CTNND2: variants seen among roughly 807,000 people sequenced by gnomAD.
CTNND2 encodes the protein catenin delta 2.
A neutral mutation model predicts 144.4 loss-of-function variants in CTNND2; 22 were observed. The ratio of observed to expected loss-of-function variants is 0.15; its 90% confidence interval spans 0.11 to 0.22. The LOEUF (loss-of-function observed/expected upper bound fraction) is 0.22. CTNND2 is among the 10% of genes least tolerant of loss of function. CTNND2 has a pLI of 1.00. For missense variants in CTNND2, 1,353 were observed against 1,618.8 expected, an observed-to-expected ratio of 0.84 and a Z score of 2.82; for synonymous variants, 751 against 695.6, an observed-to-expected ratio of 1.08 and a Z score of -1.25.
chr5:11,894,392 C>G (rs544629277), intron 1 of CTNND2, among the ~76,000 whole-genome samples: 1 of 152,288 alleles, frequency 6.6e-6, no homozygotes, highest in Non-Finnish European at 1.5e-5. Flanking sequence ...AGAATTACTT[C>G]TACGGATGGA....
chr5:11,774,739 T>A (rs1790156808), intron 1 of CTNND2, among the ~76,000 whole-genome samples: 1 of 152,128 alleles, frequency 6.6e-6, no homozygotes, highest in African/African-American at 2.4e-5. Context: ...TACCCCATGA[T>A]ACCATTTTAT....
intron 3 of CTNND2, among the ~76,000 whole-genome samples, chr5:11,430,708 C>T (rs1763218761): frequency 6.6e-6 from 1 of 152,218 alleles, no homozygotes; most frequent in African/African-American, 2.4e-5. Flanking sequence ...TACACATTCA[C>T]ATCACCACCA....
At chr5:11,752,936 G>A (rs1199481801) in intron 1 of CTNND2, among the ~76,000 whole-genome samples, 1 of 151,632 alleles carries the variant, frequency 6.6e-6, no homozygotes, top group African/African-American at 2.4e-5. Context: ...CACTATTTGT[G>A]GCTATTGTGA....
At chr5:11,295,404 T>C (rs996028756) in intron 9 of CTNND2, among the ~76,000 whole-genome samples, 6 of 152,138 alleles carry the variant, frequency 3.9e-5, no homozygotes, top group African/African-American at 1.4e-4. Flanking sequence ...ATGGCCATAC[T>C]GCCCAAGGTA....
At chr5:11,115,677 A>G (rs1753470582) in intron 13 of CTNND2, among the ~76,000 whole-genome samples, 2 of 152,236 alleles carry the variant, frequency 1.3e-5, no homozygotes, top group Admixed American at 1.3e-4. Context: ...CATTATGTTC[A>G]TCTTTGAAAC....
chr5:11,593,040 T>C (rs769014977), intron 2 of CTNND2, among the ~76,000 whole-genome samples: 4 of 151,676 alleles, frequency 2.6e-5, no homozygotes, highest in Non-Finnish European at 2.9e-5. Context: ...AAATGCAACG[T>C]GACCCCAGTT....
intron 2 of CTNND2, among the ~76,000 whole-genome samples, chr5:11,690,684 C>G (rs911447117): frequency 1.2e-4 from 16 of 133,466 alleles, no homozygotes; most frequent in Non-Finnish European, 4.6e-5. Flanking sequence ...TGCAGTGAGC[C>G]GAGATTGCGC....
chr5:11,415,166 G>A (rs528900295), intron 3 of CTNND2, among the ~76,000 whole-genome samples: 43 of 152,270 alleles, frequency 2.8e-4, no homozygotes, highest in African/African-American at 9.9e-4. Context: ...TCATCATACC[G>A]CTTTCTACAA....
At chr5:11,691,035 C>T (rs1784884676) in intron 2 of CTNND2, among the ~76,000 whole-genome samples, 1 of 152,052 alleles carries the variant, frequency 6.6e-6, no homozygotes, top group Admixed American at 6.5e-5. Flanking sequence ...CAGTGAGGCT[C>T]CCCAAGATAA....
chr5:11,303,824 C>G (rs1486451863), intron 9 of CTNND2, among the ~76,000 whole-genome samples: 1 of 152,110 alleles, frequency 6.6e-6, no homozygotes, highest in Non-Finnish European at 1.5e-5. Context: ...GTGTCCCCAC[C>G]CAAATCTCAT....
At chr5:11,443,273 G>T (rs1764468277) in intron 3 of CTNND2, among the ~76,000 whole-genome samples, 2 of 112,180 alleles carry the variant, frequency 1.8e-5, no homozygotes, top group Non-Finnish European at 3.5e-5. Flanking sequence ...TGTGTGTGTG[G>T]TATGTGTGCA....
intron 1 of CTNND2, among the ~76,000 whole-genome samples, chr5:11,753,180 T>A (rs1419152257): frequency 1.3e-5 from 2 of 151,870 alleles, no homozygotes; most frequent in Non-Finnish European, 2.9e-5. Flanking sequence ...TTCTCCTTCC[T>A]GATTGCTCTG....
chr5:11,544,190 T>C (rs1775011901), intron 3 of CTNND2, among the ~76,000 whole-genome samples: 1 of 152,116 alleles, frequency 6.6e-6, no homozygotes. Context: ...TTCTTTTTTT[T>C]TTGAGACGGA....
At chr5:11,616,938 G>A (rs1372019555) in intron 2 of CTNND2, among the ~76,000 whole-genome samples, 4 of 152,020 alleles carry the variant, frequency 2.6e-5, no homozygotes, top group African/African-American at 9.7e-5. Flanking sequence ...CAATCTCTTT[G>A]TTCAGTTTTG....
chr5:11,709,377 T>G (rs1338955374), intron 2 of CTNND2, among the ~76,000 whole-genome samples: 2 of 152,232 alleles, frequency 1.3e-5, no homozygotes, highest in African/African-American at 4.8e-5. Context: ...AATGATCTCT[T>G]ATTCAATGAC....
chr5:11,686,086 G>GA (rs1242348451), intron 2 of CTNND2, among the ~76,000 whole-genome samples: 2 of 151,974 alleles, frequency 1.3e-5, no homozygotes, highest in African/African-American at 2.4e-5. Flanking sequence ...TGTGCCTGTA[G>GA]TCCCAGATAC....
intron 16 of CTNND2, among the ~76,000 whole-genome samples, chr5:11,067,700 C>A (rs1747763639): frequency 6.6e-6 from 1 of 152,204 alleles, no homozygotes; most frequent in South Asian, 2.1e-4. Context: ...GGAGCCTTCC[C>A]AGACCCCTCT....
chr5:11,430,422 TAA>T (rs5865939), intron 3 of CTNND2, among the ~76,000 whole-genome samples: 2,370 of 126,996 alleles, frequency 0.019, 73 homozygotes, highest in African/African-American at 0.068. Flanking sequence ...ATGACTTGAT[TAA>T]AAAAAAAAAA....
intron 3 of CTNND2, among the ~76,000 whole-genome samples, chr5:11,473,850 C>T (rs369618103): frequency 1.3e-5 from 2 of 152,190 alleles, no homozygotes; most frequent in South Asian, 4.2e-4. Context: ...GGATGCCAGG[C>T]CTAATCTGCA....
Sources: allele counts gnomAD v4.1 joint callset (sites outside exome capture counted in the v4.1 genomes callset), GRCh38; gene constraint gnomAD v4.1.1; transcripts MANE v1.5; gene names NCBI Gene and HGNC (gene_info 2026-07-23, HGNC 2026-07-21).